Variants in SSPN observed in about 807,000 individuals in gnomAD.
SSPN encodes the protein K-ras oncogene-associated protein.
In SSPN, 15 loss-of-function variants were observed where a neutral mutation model predicts 19.1. The ratio of observed to expected loss-of-function variants is 0.78; its 90% CI spans 0.52 to 1.21. The LOEUF (loss-of-function observed/expected upper bound fraction) is 1.21, where lower values mean the gene tolerates loss of function less well. Among genes scored for constraint, SSPN ranks in the 50% most tolerant of loss-of-function variants. The pLI, the probability that SSPN is intolerant of heterozygous loss-of-function variation, is 0.00. For missense variants in SSPN, 291 were observed against 314.0 expected, an observed-to-expected ratio of 0.93 and a Z score of 0.55; for synonymous variants, 147 against 140.3, an observed-to-expected ratio of 1.05 and a Z score of -0.34.
chr12:26,159,375 G>A (rs1944574335), intron 1 of SSPN, among the ~76,000 whole-genome samples: 1 of 152,244 alleles, frequency 6.6e-6, no homozygotes, highest in South Asian at 2.1e-4. Context: ...AACAGGCAGG[G>A]AAGATGCCTA....
chr12:26,177,250 T>A (rs773409867), intron 1 of SSPN, among the ~76,000 whole-genome samples: 46 of 152,254 alleles, frequency 3.0e-4, no homozygotes, highest in Non-Finnish European at 4.8e-4. Flanking sequence ...TCAGTGAATC[T>A]CTGAGGATTA....
rs186446090 is a variant in SSPN at position 26,160,403 on chromosome 12, C to T, written c.-31+38251C>T. 2.0e-5 allele frequency among the ~76,000 whole-genome samples: 3 copies of T among 152,264 alleles called. No homozygotes were observed. The East Asian group carries it at 5.8e-4, about 29-fold the overall frequency. On this transcript the variant is annotated intron_variant, in intron 1 of 2. Coordinates refer to the SSPN transcript ENST00000538142. ...CAATTTGCATTTTTTCTTTGCAGGTCAAAGTAATCACTGCAATCTGAACAC... is the reference window on the plus strand; with the variant it reads ...CAATTTGCATTTTTTCTTTGCAGGTTAAAGTAATCACTGCAATCTGAACAC...
At chr12:26,137,644 A>ATATATATATT in intron 1 of SSPN, among the ~76,000 whole-genome samples, 1 of 34,624 alleles carries the variant, frequency 2.9e-5, no homozygotes, top group Admixed American at 2.6e-4. Context: ...ATGTATATAT[A>ATATATATATT]TATATATATA....
At chr12:26,227,963 T>C (rs1298198541) in intron 2 of SSPN, among the ~76,000 whole-genome samples, 1 of 152,146 alleles carries the variant, frequency 6.6e-6, no homozygotes, top group Middle Eastern at 3.2e-3. Flanking sequence ...TAGACAAAAT[T>C]CCCATTTTCA....
At chr12:26,169,324 A>G (rs1944640600) in intron 1 of SSPN, among the ~76,000 whole-genome samples, 1 of 152,186 alleles carries the variant, frequency 6.6e-6, no homozygotes, top group Admixed American at 6.5e-5. Flanking sequence ...ATAATGGGGG[A>G]TATTTTTGAA....
At chr12:26,230,601 T>C (rs1189966049) in intron 2 of SSPN, 110 bp from the exon 3 acceptor site, 2 of 1,295,486 alleles carry the variant, frequency 1.5e-6, no homozygotes, top group African/African-American at 3.0e-5. Flanking sequence ...AGCCTTTCCA[T>C]CAGAAAATTT....
chr12:26,195,647 AC>A lies in SSPN; in HGVS notation c.-23del. 2 of 174,020 alleles carry A rather than the reference AC, an allele frequency of 1.1e-5. No individual in the cohort carries two copies. Among genetic ancestry groups the A allele is most frequent in the Non-Finnish European group, 1.8e-5 (2 of 112,902 alleles). The allele number at this position is 174,020 out of a possible 1,614,324, so 10.8% of individuals were successfully genotyped here. On this transcript the variant is annotated 5_prime_UTR_variant, in exon 1 of 3. Coordinates refer to ENST00000242729, the MANE Select transcript of SSPN (RefSeq NM_005086.5). The stretch of plus-strand genomic sequence containing the variant: ...GGCCCAGGGCGCCGCACACGCACCC[AC>A]CCACCCACCCAGCCTCGCAGCGCCA...
chr12:26,142,966 T>C (rs1301649093), intron 1 of SSPN, among the ~76,000 whole-genome samples: 4 of 152,366 alleles, frequency 2.6e-5, no homozygotes. Flanking sequence ...ACCTGTATTA[T>C]GATGATTGTC....
intron 1 of SSPN, among the ~76,000 whole-genome samples, chr12:26,217,743 G>C (rs9668860): frequency 6.9e-6 from 1 of 144,608 alleles, no homozygotes; most frequent in African/African-American, 2.6e-5. Flanking sequence ...ATTTTGAAAT[G>C]CGTCCCATCA....
chr12:26,164,340 G>A (rs1228573793), intron 1 of SSPN, among the ~76,000 whole-genome samples: 1 of 152,226 alleles, frequency 6.6e-6, no homozygotes, highest in Non-Finnish European at 1.5e-5. Flanking sequence ...AATCTCACCA[G>A]GTGATTCTTA....
chr12:26,130,459 A>G (rs897529645), intron 1 of SSPN, among the ~76,000 whole-genome samples: 1 of 152,144 alleles, frequency 6.6e-6, no homozygotes, highest in Non-Finnish European at 1.5e-5. Context: ...ACAACAGAAA[A>G]CTAGCTAAGG....
rs569193113 is a variant in SSPN at position 26,231,947 on chromosome 12, A to G, written c.*871A>G. The G allele has an allele frequency of 1.0e-6, 1 of 985,452 alleles. No individual in the cohort carries two copies. Among genetic ancestry groups the G allele is most frequent in the East Asian group, 1.1e-4 (1 of 8,822 alleles). 61.0% of individuals were successfully genotyped at this position (985,452 alleles called of 1,614,324 possible). On this transcript the variant is annotated 3_prime_UTR_variant, in exon 3 of 3. Transcript: ENST00000242729. The stretch of plus-strand genomic sequence containing the variant: ...CGCTGCACTGTCGGTGTTAAGAGAA[A>G]TTACTCTCACAAGAGCAGAGGCCTG...
At chr12:26,124,872 G>A in intron 1 of SSPN, 1 of 1,237,580 alleles carries the variant, frequency 8.1e-7, no homozygotes, top group Non-Finnish European at 1.2e-6. Flanking sequence ...GGGGGGATCT[G>A]TGCGTCTCCA....
At chr12:26,211,419 G>A (rs143469263) in intron 1 of SSPN, 3 of 152,230 alleles carry the variant, frequency 2.0e-5, no homozygotes, top group African/African-American at 7.2e-5. Flanking sequence ...CTCAGCCTTG[G>A]GTTCACTGGT....
At position 26,232,757 on chromosome 12, in the gene SSPN, C is replaced by A; in HGVS notation, c.*1681C>A. Reference sequence around the variant, plus strand: ...AACACCCGATTAACAGATGTTAAACCTTTTAATGTTTTGATTTGCTTTAAA... The same window carrying A: ...AACACCCGATTAACAGATGTTAAACATTTTAATGTTTTGATTTGCTTTAAA... On this transcript the variant is annotated 3_prime_UTR_variant, in exon 3 of 3. Coordinates refer to ENST00000242729, the MANE Select transcript of SSPN (RefSeq NM_005086.5). 1.0e-6 allele frequency: 1 copy of A among 976,022 alleles called. No individual in the cohort carries two copies. Among genetic ancestry groups the A allele is most frequent in the South Asian group, 4.7e-5 (1 of 21,116 alleles). The allele number at this position is 976,022 out of a possible 1,614,324, so 60.5% of individuals were successfully genotyped here. A position where few individuals can be genotyped will look rare whatever the true frequency, so the allele number is the denominator to read the frequency against.
intron 1 of SSPN, chr12:26,180,038 G>A (rs1172912458): frequency 7.0e-6 from 1 of 142,386 alleles, no homozygotes; most frequent in Non-Finnish European, 1.5e-5. Flanking sequence ...TGTGTTGTTT[G>A]CTCATGGCAC....
chr12:26,152,181 C>T (rs886234941), intron 1 of SSPN, among the ~76,000 whole-genome samples: 8 of 152,166 alleles, frequency 5.3e-5, no homozygotes, highest in Non-Finnish European at 7.3e-5. Context: ...GGTGTAAATA[C>T]TCCCACCGTG....
intron 1 of SSPN, among the ~76,000 whole-genome samples, chr12:26,210,690 A>T (rs150245770): frequency 7.9e-5 from 12 of 152,262 alleles, no homozygotes; most frequent in African/African-American, 2.6e-4. Flanking sequence ...GAGACAGAAC[A>T]ATTTTCTTGA....
At chr12:26,171,127 T>C (rs1212206331) in intron 1 of SSPN, among the ~76,000 whole-genome samples, 3 of 152,192 alleles carry the variant, frequency 2.0e-5, no homozygotes, top group African/African-American at 7.2e-5. Context: ...TGGGCTCTCC[T>C]TCATGTCCTC....
Sources: gnomAD v4.1 joint callset for allele counts (sites outside exome capture counted in the v4.1 genomes callset) on GRCh38, gnomAD v4.1.1 for gene constraint, MANE v1.5 for transcripts, NCBI Gene and HGNC (gene_info 2026-07-23, HGNC 2026-07-21) for gene names.